Variants in ARHGAP24 observed in about 807,000 individuals in gnomAD.
ARHGAP24 encodes the protein rho GTPase-activating protein 24.
A neutral mutation model predicts 76.4 loss-of-function variants in ARHGAP24; 50 were observed. The observed-to-expected ratio is 0.65, with a 90% confidence interval of 0.52 to 0.83. The LOEUF (loss-of-function observed/expected upper bound fraction) is 0.83. ARHGAP24 is among the 40% of genes least tolerant of loss of function. The pLI is 0.00. For synonymous variants in ARHGAP24, 345 were observed against 323.3 expected (o/e 1.07, Z -0.72); for missense variants, 930 against 914.2 (o/e 1.02, Z -0.22).
intron 3 of ARHGAP24, among the ~76,000 whole-genome samples, chr4:85,888,269 C>T (rs899684376): frequency 6.6e-6 from 1 of 151,796 alleles, no homozygotes; most frequent in African/African-American, 2.4e-5. Context: ...GACGTGGTGG[C>T]GCACACTTGT....
chr4:85,600,933 T>C (rs1720007819), intron 2 of ARHGAP24, among the ~76,000 whole-genome samples: 1 of 152,174 alleles, frequency 6.6e-6, no homozygotes, highest in Non-Finnish European at 1.5e-5. Context: ...CAGACTTTCT[T>C]TTCCAGAAGT....
intron 3 of ARHGAP24, 124 bp from the exon 4 acceptor site, chr4:85,923,524 T>G: frequency 2.2e-6 from 3 of 1,350,632 alleles, no homozygotes; most frequent in Middle Eastern, 4.5e-4. Flanking sequence ...AAATATTTCA[T>G]CATTGGGTAG....
intron 2 of ARHGAP24, among the ~76,000 whole-genome samples, chr4:85,582,853 A>G (rs1470129468): frequency 2.0e-5 from 3 of 152,174 alleles, no homozygotes; most frequent in Non-Finnish European, 2.9e-5. Flanking sequence ...CTTAGAAGTA[A>G]TAATTTAAGA....
In ARHGAP24 at chr4:85,823,701, A is replaced by C. The variant is rs1049067907; in HGVS notation, c.269-99947A>C. The stretch of plus-strand genomic sequence containing the variant: ...TTATACTACGAGGCTGTATTTTGAC[A>C]AAGATTTCAAATATGTTCAATGACC... On this transcript the variant is annotated intron_variant, in intron 3 of 9. Coordinates refer to ENST00000395184, the MANE Select transcript of ARHGAP24 (RefSeq NM_001025616.3). Among the ~76,000 whole-genome samples, 12 of 152,174 alleles carry C rather than the reference A, an allele frequency of 7.9e-5. 1 individual carries two copies. The highest frequency in any genetic ancestry group is 2.9e-4 in the African/African-American group (12 of 41,434).
At chr4:85,755,214 T>A (rs1024450845) in intron 3 of ARHGAP24, among the ~76,000 whole-genome samples, 2 of 152,218 alleles carry the variant, frequency 1.3e-5, no homozygotes, top group Non-Finnish European at 2.9e-5. Context: ...ATGTAACTTT[T>A]TTTTCTTATT....
At chr4:85,597,226 T>C (rs1344820957) in intron 2 of ARHGAP24, among the ~76,000 whole-genome samples, 8 of 152,112 alleles carry the variant, frequency 5.3e-5, no homozygotes, top group Non-Finnish European at 1.0e-4. Flanking sequence ...TTGATATGAA[T>C]TGGTTGTCAG....
At chr4:85,483,952 T>A (rs951160223) in intron 1 of ARHGAP24, among the ~76,000 whole-genome samples, 3 of 152,178 alleles carry the variant, frequency 2.0e-5, no homozygotes, top group African/African-American at 7.2e-5. Flanking sequence ...AAGGTGGCAT[T>A]TGGAAATCAT....
chr4:85,516,613 C>CTT (rs5859978), intron 1 of ARHGAP24, among the ~76,000 whole-genome samples: 14 of 146,142 alleles, frequency 9.6e-5, no homozygotes, highest in South Asian at 8.6e-4. Context: ...TGTATTTCAT[C>CTT]TTTTTTTTTT....
intron 3 of ARHGAP24, among the ~76,000 whole-genome samples, chr4:85,752,998 G>T (rs578184133): frequency 3.9e-5 from 6 of 152,294 alleles, no homozygotes; most frequent in African/African-American, 1.4e-4. Context: ...ATTCTTTTCA[G>T]GAGTAGGAAC....
At chr4:85,659,152 A>G (rs1444668629) in intron 2 of ARHGAP24, among the ~76,000 whole-genome samples, 1 of 152,152 alleles carries the variant, frequency 6.6e-6, no homozygotes, top group African/African-American at 2.4e-5. Flanking sequence ...ATATCCTATG[A>G]AGCATATAAT....
At chr4:85,521,040 C>T (rs989118827) in intron 1 of ARHGAP24, among the ~76,000 whole-genome samples, 3 of 152,178 alleles carry the variant, frequency 2.0e-5, no homozygotes, top group Admixed American at 6.5e-5. Context: ...CTAAACTTTT[C>T]GGGCAGGGCA....
chr4:85,508,062 T>A (rs1229758097), intron 1 of ARHGAP24, among the ~76,000 whole-genome samples: 1 of 152,134 alleles, frequency 6.6e-6, no homozygotes, highest in East Asian at 1.9e-4. Flanking sequence ...ATTCTTTTTT[T>A]TTTTTAATTC....
intron 2 of ARHGAP24, among the ~76,000 whole-genome samples, chr4:85,578,506 T>G (rs1727479910): frequency 6.6e-6 from 1 of 152,236 alleles, no homozygotes; most frequent in South Asian, 2.1e-4. Flanking sequence ...GGGAGGCAGT[T>G]GAGTCCACTT....
intron 2 of ARHGAP24, among the ~76,000 whole-genome samples, chr4:85,600,679 C>T (rs1372347255): frequency 5.9e-5 from 9 of 152,192 alleles, no homozygotes; most frequent in Admixed American, 5.9e-4. Flanking sequence ...CTGTGCTAAG[C>T]TACTCACTTG....
intron 5 of ARHGAP24, among the ~76,000 whole-genome samples, chr4:85,959,960 G>T: frequency 6.6e-6 from 1 of 151,646 alleles, no homozygotes; most frequent in South Asian, 2.1e-4. Flanking sequence ...CTTTTTATGA[G>T]CCATTCTAAA....
chr4:85,544,669 T>TACATATATGTATATATATATACAC (rs1578022320), intron 1 of ARHGAP24, among the ~76,000 whole-genome samples: 3 of 152,056 alleles, frequency 2.0e-5, no homozygotes, highest in Admixed American at 6.6e-5. Flanking sequence ...TTTATATACA[T>TACATATATGTATATATATATACAC]ACATATATGT....
At chr4:86,000,364 G>A in intron 9 of ARHGAP24, 115 bp from the exon 10 acceptor site, 1 of 835,514 alleles carries the variant, frequency 1.2e-6, no homozygotes, top group Non-Finnish European at 2.0e-6. Flanking sequence ...AATTTCCTAA[G>A]CATCATAAAG....
At chr4:85,731,038 A>T (rs1284296746) in intron 3 of ARHGAP24, among the ~76,000 whole-genome samples, 1 of 149,648 alleles carries the variant, frequency 6.7e-6, no homozygotes, top group African/African-American at 2.5e-5. Flanking sequence ...AGAGAGAGAG[A>T]CTGGGCATGT....
chr4:85,548,551 T>C (rs1327009615), intron 1 of ARHGAP24, among the ~76,000 whole-genome samples: 2 of 152,202 alleles, frequency 1.3e-5, no homozygotes, highest in Non-Finnish European at 2.9e-5. Context: ...TTATATTCAA[T>C]ATATGTGTCT....
Sources: allele counts gnomAD v4.1 joint callset (sites outside exome capture counted in the v4.1 genomes callset), GRCh38; gene constraint gnomAD v4.1.1; transcripts MANE v1.5; gene names NCBI Gene and HGNC (gene_info 2026-07-23, HGNC 2026-07-21).